NCEH1: variants seen among roughly 807,000 people sequenced by gnomAD.
The protein encoded by NCEH1 is 2-acetyl MAGE hydrolase.
Under a neutral mutation model 25.4 loss-of-function variants are expected in NCEH1, and 9 were observed. The ratio of observed to expected loss-of-function variants is 0.35; its 90% CI spans 0.21 to 0.62. The LOEUF is 0.62. NCEH1 is among the 20% of genes least tolerant of loss of function. The pLI is 0.72. For synonymous variants in NCEH1, 200 were observed against 199.8 expected, an observed-to-expected ratio of 1.00 and a Z score of -0.01; for missense variants, 412 against 501.1, an observed-to-expected ratio of 0.82 and a Z score of 1.70.
At chr3:172,695,832 T>C (rs1253420749) in intron 1 of NCEH1, among the ~76,000 whole-genome samples, 3 of 151,934 alleles carry the variant, frequency 2.0e-5, no homozygotes, top group African/African-American at 7.3e-5. Context: ...TAATCTCAGC[T>C]ACTTGGGAGG....
intron 1 of NCEH1, among the ~76,000 whole-genome samples, chr3:172,682,732 A>T (rs1005671952): frequency 6.6e-6 from 1 of 152,234 alleles, no homozygotes; most frequent in Non-Finnish European, 1.5e-5. Flanking sequence ...AGGAAAAACA[A>T]ACAAAATGTG....
chr3:172,683,402 CAAAAAAAAA>C (rs1165644401), intron 1 of NCEH1, among the ~76,000 whole-genome samples: 1 of 15,700 alleles, frequency 6.4e-5, no homozygotes, highest in East Asian at 3.0e-3. Context: ...GACTCCGTCT[CAAAAAAAAA>C]AAAAAAAAAA....
chr3:172,682,791 G>A (rs1037670902), intron 1 of NCEH1, among the ~76,000 whole-genome samples: 5 of 152,130 alleles, frequency 3.3e-5, no homozygotes, highest in Admixed American at 1.3e-4. Flanking sequence ...TAATGCTCTG[G>A]AGGAGACACA....
At position 172,633,489 on chromosome 3, in the gene NCEH1, C is replaced by A. The variant is rs1716457715; in HGVS notation, c.1213G>T (p.Asp405Tyr). 6.2e-7 allele frequency: 1 copy of A among 1,613,472 alleles called. No homozygotes were observed. Among genetic ancestry groups the A allele is most frequent in the Admixed American group, 1.7e-5 (1 of 59,970 alleles). The change falls in exon 5 of 5, where the codon GAT (aspartate) becomes TAT (tyrosine). Residue 405 changes from aspartate to tyrosine, a missense_variant. This residue lies in a region of NCEH1 where 210 missense variants were observed against 258.2 expected (regional missense o/e 0.81). Transcript: ENST00000475381. Reference sequence around the variant, plus strand: ...GTTTTGCTCCTTTACAGGTTTTGATCTAGCCACTTGATGTAACTATTCCTA... The same window carrying A: ...GTTTTGCTCCTTTACAGGTTTTGATATAGCCACTTGATGTAACTATTCCTA... ...RTRNSYIKWL[D>Y]QNL
intron 1 of NCEH1, among the ~76,000 whole-genome samples, chr3:172,658,073 A>T (rs1204761556): frequency 6.6e-6 from 1 of 152,180 alleles, no homozygotes; most frequent in African/African-American, 2.4e-5. Context: ...TCAGCACAAA[A>T]CACAGGTCAT....
intron 1 of NCEH1, among the ~76,000 whole-genome samples, chr3:172,689,734 A>C (rs1314109766): frequency 6.6e-6 from 1 of 151,086 alleles, no homozygotes; most frequent in Non-Finnish European, 1.5e-5. Context: ...AAAATAAAAA[A>C]AAAAGCCCCT....
Position 172,657,412 on chromosome 3 carries a change from A to G in NCEH1, c.139-9298T>C, listed in dbSNP as rs541934355. 5.3e-5 allele frequency among the ~76,000 whole-genome samples: 8 copies of G among 152,320 alleles called. No homozygotes were observed. In the East Asian group the frequency reaches 1.5e-3, roughly 29 times the overall value. On this transcript the variant is annotated intron_variant, in intron 1 of 4. Coordinates refer to ENST00000475381, the MANE Select transcript of NCEH1 (RefSeq NM_020792.6). The stretch of plus-strand genomic sequence containing the variant: ...TAACCATAAGTCTAACTTCTAAGCT[A>G]GAAACCTTACTATTGTCCTCAGCTT...
At chr3:172,705,209 A>G (rs571065175) in intron 1 of NCEH1, among the ~76,000 whole-genome samples, 4 of 152,272 alleles carry the variant, frequency 2.6e-5, no homozygotes, top group South Asian at 4.1e-4. Flanking sequence ...TAGTTTCACT[A>G]TGTTGCCCAG....
intron 1 of NCEH1, among the ~76,000 whole-genome samples, chr3:172,694,376 A>ATGTGTGTGTG (rs1488206507): frequency 4.1e-5 from 6 of 147,622 alleles, no homozygotes; most frequent in African/African-American, 1.6e-4. Context: ...AGAGTTATAT[A>ATGTGTGTGTG]TATGTGTGTG....
chr3:172,701,626 T>TTG (rs1175002799), intron 1 of NCEH1, among the ~76,000 whole-genome samples: 5 of 147,846 alleles, frequency 3.4e-5, no homozygotes, highest in South Asian at 2.2e-4. Flanking sequence ...GTTTTTTTTT[T>TTG]TTTTTTTTTT....
chr3:172,633,877 A>G lies in NCEH1; in HGVS notation c.825T>C (p.Asp275=). Residue 275 remains aspartate, a synonymous_variant, in exon 5 of 5, where the codon GAT becomes GAC. Transcript: ENST00000475381. ...AMIVNNHTSL[D]VEEAAAVRAR... ...CCCTGACAGCAGCAGCCTCTTCCAC[A>G]TCAAGTGAAGTGTGATTGTTAACGA... is the stretch of plus-strand genomic sequence containing the variant. 1 of 1,614,224 alleles carries G rather than the reference A, an allele frequency of 6.2e-7. No individual in the cohort carries two copies. Among genetic ancestry groups the G allele is most frequent in the South Asian group, 1.1e-5 (1 of 91,076 alleles).
At position 172,711,037 on chromosome 3, in the gene NCEH1, A is replaced by C; in HGVS notation, c.-53T>G. On this transcript the variant is annotated 5_prime_UTR_variant, in exon 1 of 5. Coordinates refer to ENST00000475381, the MANE Select transcript of NCEH1 (RefSeq NM_020792.6). ...CTGGCAAAGAGGAAAGGGCGATACC[A>C]CCCGGAGACCTCCGGCAACTTTCTG... The C allele has an allele frequency of 6.2e-7, 1 of 1,611,522 alleles. No homozygotes were observed. The highest frequency in any genetic ancestry group is 8.5e-7 in the Non-Finnish European group (1 of 1,178,250).
At position 172,684,980 on chromosome 3, in the gene NCEH1, C is replaced by T. The variant is rs1712616110; in HGVS notation, c.138+25867G>A. ...GGGCGACTCAGCAAGACTCCATCCC[C>T]CACTCCCATCCCCAAAAAAAAGACC... On this transcript the variant is annotated intron_variant, in intron 1 of 4. Coordinates refer to ENST00000475381, the MANE Select transcript of NCEH1 (RefSeq NM_020792.6). Among the ~76,000 whole-genome samples, 6 of 145,788 alleles carry T rather than the reference C, an allele frequency of 4.1e-5. No individual in the cohort carries two copies. In the South Asian group the frequency reaches 8.6e-4, roughly 21 times the overall value.
intron 1 of NCEH1, among the ~76,000 whole-genome samples, chr3:172,662,124 T>C (rs1364722754): frequency 6.6e-6 from 1 of 152,212 alleles, no homozygotes; most frequent in Non-Finnish European, 1.5e-5. Context: ...ATAGCTCTTA[T>C]TATTTTGAGT....
intron 1 of NCEH1, among the ~76,000 whole-genome samples, chr3:172,657,521 T>C (rs112811853): frequency 0.019 from 2,932 of 152,244 alleles, 88 homozygotes; most frequent in African/African-American, 0.067. Flanking sequence ...CTACCCCAGC[T>C]CCACCCCCGC....
At chr3:172,665,831 C>T (rs1718183873) in intron 1 of NCEH1, among the ~76,000 whole-genome samples, 1 of 152,228 alleles carries the variant, frequency 6.6e-6, no homozygotes, top group South Asian at 2.1e-4. Flanking sequence ...TTTGCTAAGA[C>T]CACTGGAAAA....
intron 1 of NCEH1, among the ~76,000 whole-genome samples, chr3:172,691,688 G>A (rs1485989244): frequency 3.3e-5 from 5 of 152,260 alleles, no homozygotes; most frequent in Non-Finnish European, 5.9e-5. Context: ...GGTGGCTCAC[G>A]CCTGTAATCC....
In NCEH1 at chr3:172,657,030, T is replaced by C. The variant is rs1717729561; in HGVS notation, c.139-8916A>G. ...GTTCATCCCCCACTCCCCCCATTTTTATTTTCTTTTTGTCTTTTATTGATT... is the reference window on the plus strand; with the variant it reads ...GTTCATCCCCCACTCCCCCCATTTTCATTTTCTTTTTGTCTTTTATTGATT... On this transcript the variant is annotated intron_variant, in intron 1 of 4. Coordinates refer to ENST00000475381, the MANE Select transcript of NCEH1 (RefSeq NM_020792.6). Among the ~76,000 whole-genome samples, 4 of 152,158 alleles carry C rather than the reference T, an allele frequency of 2.6e-5. No homozygotes were observed. In the South Asian group the frequency reaches 8.3e-4, roughly 32 times the overall value.
In NCEH1 at chr3:172,653,766, T is replaced by TGG. The variant is rs1553830405; in HGVS notation, c.139-5653_139-5652insCC. Reference sequence around the variant, plus strand: ...TTTGTTTTTTTGTTTTTTTGTTTTTTTTTTTTTTTGAGACAGAGTCTCCCT... The same window carrying TGG: ...TTTGTTTTTTTGTTTTTTTGTTTTTTGGTTTTTTTTTGAGACAGAGTCTCCCT... On this transcript the variant is annotated intron_variant, in intron 1 of 4. Transcript: ENST00000475381. Among the ~76,000 whole-genome samples the TGG allele has an allele frequency of 5.5e-4, 22 of 40,232 alleles. 1 individual carries two copies. In the East Asian group the frequency reaches 0.014, roughly 25 times the overall value. 26.4% of individuals were successfully genotyped at this position (40,232 alleles called of 152,430 possible). A position where few individuals can be genotyped will look rare whatever the true frequency, so the allele number is the denominator to read the frequency against.
Sources: gnomAD v4.1 joint callset for allele counts (sites outside exome capture counted in the v4.1 genomes callset) on GRCh38, gnomAD v4.1.1 for gene constraint, gnomAD v4.1.1 regional missense constraint, MANE v1.5 for transcripts, NCBI Gene and HGNC (gene_info 2026-07-23, HGNC 2026-07-21) for gene names.